The following OR51L1 variants were observed in gnomAD, a reference collection of about 807,000 sequenced individuals.
OR51L1 encodes olfactory receptor family 51 subfamily L member 1.
OR51L1 carries 1 observed loss-of-function variant against 1.4 expected under a neutral mutation model. The observed-to-expected ratio is 0.72, with a 90% CI of 0.26 to 3.42. The LOEUF is 3.42. OR51L1 is among the 30% of genes most tolerant of loss of function. The probability of loss-of-function intolerance (pLI) is 0.20; values close to 1 mark genes in which losing one functional copy is unlikely to be tolerated. For missense variants in OR51L1, 378 were observed against 380.0 expected, an observed-to-expected ratio of 0.99 and a Z score of 0.04; for synonymous variants, 156 against 144.2, an observed-to-expected ratio of 1.08 and a Z score of -0.59.
Position 5,000,806 on chromosome 11 carries a change from G to A in OR51L1, c.*876G>A, listed in dbSNP as rs2445293. The A allele has an allele frequency of 0.099, 15,086 of 152,352 alleles. 867 individuals carry two copies. Among genetic ancestry groups the A allele is most frequent in the East Asian group, 0.26 (1,363 of 5,158 alleles). 9.4% of individuals were successfully genotyped at this position (152,352 alleles called of 1,614,324 possible). A position where few individuals can be genotyped will look rare whatever the true frequency, so the allele number is the denominator to read the frequency against. On this transcript the variant is annotated 3_prime_UTR_variant, in exon 3 of 3. Transcript: ENST00000641819. ...TGTGGGGTCTATAAGGCTTGCTCACGGATGTTTATCTTGGGTCATCTGGTG... is the reference window on the plus strand; with the variant it reads ...TGTGGGGTCTATAAGGCTTGCTCACAGATGTTTATCTTGGGTCATCTGGTG...
At position 4,999,800 on chromosome 11, in the gene OR51L1, T is replaced by C. The variant is rs1327298837; in HGVS notation, c.818T>C (p.Ile273Thr). 10 of 1,613,956 alleles carry C rather than the reference T, an allele frequency of 6.2e-6. No individual in the cohort carries two copies. In the African/African-American group the frequency reaches 1.1e-4, roughly 17 times the overall value. Residue 273 changes from isoleucine to threonine, a missense_variant, in exon 3 of 3, where the codon ATA (isoleucine) becomes ACA (threonine). Physicochemically the swap from Ile to Thr is moderately conservative, Grantham distance 89. Transcript: ENST00000641819. ...CGCTTTGGGAAGCATCTGTCTCCCATAGTCCACATCCTCATGGCAGACATC... is the reference window on the plus strand; with the variant it reads ...CGCTTTGGGAAGCATCTGTCTCCCACAGTCCACATCCTCATGGCAGACATC... Reference protein sequence around the residue: ...VHRFGKHLSPIVHILMADIYL... With the variant: ...VHRFGKHLSPTVHILMADIYL...
At position 5,003,924 on chromosome 11, in the gene OR51L1, G is replaced by A. The variant is rs1196190561; in HGVS notation, c.*3994G>A. 1 of 152,068 alleles carries A rather than the reference G, an allele frequency of 6.6e-6. No homozygotes were observed. The highest frequency in any genetic ancestry group is 1.5e-5 in the Non-Finnish European group (1 of 68,014). 9.4% of individuals were successfully genotyped at this position (152,068 alleles called of 1,614,324 possible). On this transcript the variant is annotated 3_prime_UTR_variant, in exon 3 of 3. Transcript: ENST00000641819. ...TTGCTTTTATGTTTAGTGCTTTTGTGTATTTTTAAGGAGATATTTGCCTAT... is the reference window on the plus strand; with the variant it reads ...TTGCTTTTATGTTTAGTGCTTTTGTATATTTTTAAGGAGATATTTGCCTAT...
At chr11:4,997,747 A>C (rs1015907345) in intron 2 of OR51L1, among the ~76,000 whole-genome samples, 164 bp downstream of exon 2, 186 of 152,330 alleles carry the variant, frequency 1.2e-3, no homozygotes, top group African/African-American at 4.1e-3. Context: ...AGCACAGGCA[A>C]GGAGGCTATT....
Position 4,999,313 on chromosome 11 carries a change from T to A in OR51L1, c.331T>A (p.Phe111Ile), listed in dbSNP as rs138440814. The A allele has an allele frequency of 1.2e-6, 2 of 1,614,174 alleles. No homozygotes were observed. The highest frequency in any genetic ancestry group is 2.2e-5 in the South Asian group (2 of 91,086). The change falls in exon 3 of 3, where the codon TTC (phenylalanine) becomes ATC (isoleucine). Residue 111 changes from phenylalanine (F) to isoleucine (I), a missense_variant. By Grantham distance (21) the Phe-to-Ile change is conservative (BLOSUM62 0). Transcript: ENST00000641819. ...AQLFFIHTFT[F>I]LESSVLLAMA... ...GCTGTTCTTCATCCACACATTCACA[T>A]TCCTGGAGTCCTCAGTGTTGCTGGC...
intron 1 of OR51L1, among the ~76,000 whole-genome samples, 183 bp from the exon 2 acceptor site, chr11:4,997,299 C>T (rs570228787): frequency 2.6e-4 from 40 of 152,104 alleles, no homozygotes; most frequent in African/African-American, 8.9e-4. Context: ...TCAGTCTTCA[C>T]GGTATGAAAG....
chr11:5,000,150 A>G lies in OR51L1; in HGVS notation c.*220A>G. ...TACGTTGTCCCCAGGTCATTACAAG[A>G]CTTATAATAGAAAATGTATGTGCTA... On this transcript the variant is annotated 3_prime_UTR_variant, in exon 3 of 3. Transcript: ENST00000641819. 4.6e-6 allele frequency: 2 copies of G among 435,800 alleles called. No homozygotes were observed. The highest frequency in any genetic ancestry group is 8.1e-6 in the Non-Finnish European group (2 of 248,404). The allele number at this position is 435,800 out of a possible 1,614,324, so 27.0% of individuals were successfully genotyped here. A position where few individuals can be genotyped will look rare whatever the true frequency, so the allele number is the denominator to read the frequency against.
rs778252428 is a variant in OR51L1, at chr11:4,999,428, C to A, written c.446C>A (p.Ala149Asp). 5 of 1,614,044 alleles carry A rather than the reference C, an allele frequency of 3.1e-6. No individual in the cohort carries two copies. The highest frequency in any genetic ancestry group is 4.2e-6 in the Non-Finnish European group (5 of 1,180,038). Residue 149 changes from alanine to aspartate, a missense_variant, in exon 3 of 3, where the codon GCC (alanine) becomes GAC (aspartate). Transcript: ENST00000641819. ...TNSVIGKIGL[A>D]CLLRSLGVVL... ...AGTGTAATTGGCAAAATTGGTTTGGCCTGTTTGCTACGAAGCTTGGGAGTT... is the reference window on the plus strand; with the variant it reads ...AGTGTAATTGGCAAAATTGGTTTGGACTGTTTGCTACGAAGCTTGGGAGTT...
rs775959370 is a variant in OR51L1 at position 4,999,151 on chromosome 11, C to T, written c.169C>T (p.Leu57Phe). 13 of 1,612,690 alleles carry T rather than the reference C, an allele frequency of 8.1e-6. No individual in the cohort carries two copies. The African/African-American group carries it at 1.6e-4, about 20-fold the overall frequency. ...ILSVIWIESSLHQPMYYFISI... is the reference protein window; with the variant it reads ...ILSVIWIESSFHQPMYYFISI... ...GTCTGTCATTTGGATAGAATCCTCT[C>T]TCCATCAGCCCATGTATTACTTTAT... Residue 57 changes from leucine to phenylalanine, a missense_variant, in exon 3 of 3, where the codon CTC becomes TTC. Leu to Phe is a conservative substitution (Grantham distance 22, BLOSUM62 0). Coordinates refer to ENST00000641819, the MANE Select transcript of OR51L1 (RefSeq NM_001004755.2).
In OR51L1 at chr11:5,002,450, A is replaced by T. The variant is rs146597668; in HGVS notation, c.*2520A>T. ...CCTCCCACAAAAAAAGGGCTCTGAC[A>T]TGGGCTATGATGGACAAAGATATGT... On this transcript the variant is annotated 3_prime_UTR_variant, in exon 3 of 3. Transcript: ENST00000641819. The T allele has an allele frequency of 6.6e-6, 1 of 152,214 alleles. No homozygotes were observed. Among genetic ancestry groups the T allele is most frequent in the African/African-American group, 2.4e-5 (1 of 41,444 alleles). The allele number at this position is 152,214 out of a possible 1,614,324, so 9.4% of individuals were successfully genotyped here.
rs781086799 is a variant in OR51L1, at chr11:5,000,032, A to G, written c.*102A>G. 2.6e-5 allele frequency: 30 copies of G among 1,165,172 alleles called. No individual in the cohort carries two copies. Among genetic ancestry groups the G allele is most frequent in the Non-Finnish European group, 3.4e-5 (29 of 853,734 alleles). 72.2% of individuals were successfully genotyped at this position (1,165,172 alleles called of 1,614,324 possible). A position where few individuals can be genotyped will look rare whatever the true frequency, so the allele number is the denominator to read the frequency against. ...GTGTTGCTCATCTGGTTAAAATCCT[A>G]ATTCTTTCACTTCTTATACATGTAA... On this transcript the variant is annotated 3_prime_UTR_variant, in exon 3 of 3. Transcript: ENST00000641819.
chr11:4,996,241 C>T (rs1847067455), intron 1 of OR51L1, among the ~76,000 whole-genome samples: 2 of 152,072 alleles, frequency 1.3e-5, no homozygotes, highest in South Asian at 2.1e-4. Flanking sequence ...TACACATGCA[C>T]GTGTGTGCAT....
At position 4,999,888 on chromosome 11, in the gene OR51L1, T is replaced by A. The variant is rs1351582217; in HGVS notation, c.906T>A (p.Arg302=). Residue 302 remains arginine (R), a synonymous_variant, in exon 3 of 3, where the codon CGT becomes CGA. Coordinates refer to ENST00000641819, the MANE Select transcript of OR51L1 (RefSeq NM_001004755.2). ...IVYSVRTKQI[R]LGILHKFVLR... is the part of the protein sequence containing the mutation. The stretch of plus-strand genomic sequence containing the variant: ...ATAGTGTCAGAACAAAGCAGATTCG[T>A]CTAGGAATTCTCCACAAGTTTGTCC... 6.2e-7 allele frequency: 1 copy of A among 1,613,514 alleles called. No homozygotes were observed.
chr11:5,001,522 T>A lies in OR51L1; in HGVS notation c.*1592T>A, dbSNP rs1254821627. The stretch of plus-strand genomic sequence containing the variant: ...TAATTTGTGAATGGGTTAAGAGTTG[T>A]GCACAATCTCAACCCTCATCTTTTA... On this transcript the variant is annotated 3_prime_UTR_variant, in exon 3 of 3. Transcript: ENST00000641819. The A allele has an allele frequency of 6.6e-6, 1 of 152,198 alleles. No homozygotes were observed. Among genetic ancestry groups the A allele is most frequent in the Non-Finnish European group, 1.5e-5 (1 of 68,020 alleles). 9.4% of individuals were successfully genotyped at this position (152,198 alleles called of 1,614,324 possible). A position where few individuals can be genotyped will look rare whatever the true frequency, so the allele number is the denominator to read the frequency against.
chr11:5,000,406 C>T lies in OR51L1; in HGVS notation c.*476C>T, dbSNP rs1847119603. On this transcript the variant is annotated 3_prime_UTR_variant, in exon 3 of 3. Coordinates refer to ENST00000641819, the MANE Select transcript of OR51L1 (RefSeq NM_001004755.2). ...TTATGAAAAATTTGAGTCCTTAGGG[C>T]AAGTTTGGAACTTGAGTTCCTGACA... 6.4e-6 allele frequency: 1 copy of T among 155,690 alleles called. No individual in the cohort carries two copies. The highest frequency in any genetic ancestry group is 2.4e-5 in the African/African-American group (1 of 41,414). The allele number at this position is 155,690 out of a possible 1,614,324, so 9.6% of individuals were successfully genotyped here. A position where few individuals can be genotyped will look rare whatever the true frequency, so the allele number is the denominator to read the frequency against.
Position 4,997,555 on chromosome 11 carries a change from T to C in OR51L1, c.-188T>C, listed in dbSNP as rs1459342606. The C allele has an allele frequency of 6.6e-6, 1 of 152,130 alleles. No homozygotes were observed. Among genetic ancestry groups the C allele is most frequent in the Non-Finnish European group, 1.5e-5 (1 of 68,030 alleles). The allele number at this position is 152,130 out of a possible 1,614,324, so 9.4% of individuals were successfully genotyped here. On this transcript the variant is annotated 5_prime_UTR_variant, in exon 2 of 3. Coordinates refer to ENST00000641819, the MANE Select transcript of OR51L1 (RefSeq NM_001004755.2). ...TTGCTACAGAGAGATGTTGCTGAAG[T>C]CTATGAGGCCCAGACTCTAAGGGAC... is the stretch of plus-strand genomic sequence containing the variant.
chr11:4,997,623 G>GA (rs11384505), intron 2 of OR51L1, 40 bp downstream of exon 2: 44,737 of 151,920 alleles, frequency 0.29, 6,846 homozygotes, highest in African/African-American at 0.34. Flanking sequence ...AATGGAACTA[G>GA]ACAGGGTTAA....
rs1564822869 is a variant in OR51L1, at chr11:4,999,411, T to C, written c.429T>C (p.Ile143=). 1 of 1,614,074 alleles carries C rather than the reference T, an allele frequency of 6.2e-7. No individual in the cohort carries two copies. Among genetic ancestry groups the C allele is most frequent in the African/African-American group, 1.3e-5 (1 of 74,932 alleles). Residue 143 remains isoleucine, a synonymous_variant, in exon 3 of 3, where the codon ATT becomes ATC. Coordinates refer to ENST00000641819, the MANE Select transcript of OR51L1 (RefSeq NM_001004755.2). ...CCACCATCCTCACCAACAGTGTAAT[T>C]GGCAAAATTGGTTTGGCCTGTTTGC... ...HYPTILTNSV[I]GKIGLACLLR...
At chr11:4,996,244 G>C (rs1331306591) in intron 1 of OR51L1, among the ~76,000 whole-genome samples, 1 of 145,656 alleles carries the variant, frequency 6.9e-6, no homozygotes, top group Non-Finnish European at 1.6e-5. Flanking sequence ...ACATGCACGT[G>C]TGTGCATGCA....
rs1847164845 is a variant in OR51L1 at position 5,005,123 on chromosome 11, T to G, written c.*5193T>G. ...ATCATTCATAAGTAAATTCTTTGCT[T>G]GCCTCCCATAAACAAGGACACGCTA... is the stretch of plus-strand genomic sequence containing the variant. On this transcript the variant is annotated 3_prime_UTR_variant, in exon 3 of 3. Coordinates refer to ENST00000641819, the MANE Select transcript of OR51L1 (RefSeq NM_001004755.2). The G allele has an allele frequency of 6.6e-6, 1 of 152,184 alleles. No homozygotes were observed. Among genetic ancestry groups the G allele is most frequent in the Non-Finnish European group, 1.5e-5 (1 of 68,034 alleles). 9.4% of individuals were successfully genotyped at this position (152,184 alleles called of 1,614,324 possible).
Sources: gnomAD v4.1 joint callset for allele counts (sites outside exome capture counted in the v4.1 genomes callset) on GRCh38, gnomAD v4.1.1 for gene constraint, MANE v1.5 for transcripts, NCBI Gene and HGNC (gene_info 2026-07-23, HGNC 2026-07-21) for gene names.